The following TXNDC11 variants were observed in gnomAD, a reference collection of about 807,000 sequenced individuals.
TXNDC11 encodes the protein thioredoxin domain containing 11.
TXNDC11 carries 68 observed loss-of-function variants against 78.0 expected under a neutral mutation model. The ratio of observed to expected loss-of-function variants is 0.87; its 90% CI spans 0.72 to 1.07. The LOEUF (loss-of-function observed/expected upper bound fraction) is 1.07, where lower values mean the gene tolerates loss of function less well. Ranked by LOEUF, TXNDC11 falls within the 50% of genes least tolerant of loss-of-function variation. TXNDC11 has a pLI of 0.00. For synonymous variants in TXNDC11, 571 were observed against 495.2 expected (o/e 1.15, Z -2.03); for missense variants, 1,389 against 1,221.8 (o/e 1.14, Z -2.04).
intron 7 of TXNDC11, among the ~76,000 whole-genome samples, chr16:11,696,718 T>C (rs1490394319): frequency 6.6e-6 from 1 of 152,010 alleles, no homozygotes; most frequent in East Asian, 1.9e-4. Flanking sequence ...AAAACCATGA[T>C]AAAAAGGAGG....
At chr16:11,720,997 C>T (rs951685943) in intron 5 of TXNDC11, among the ~76,000 whole-genome samples, 1 of 151,882 alleles carries the variant, frequency 6.6e-6, no homozygotes, top group Non-Finnish European at 1.5e-5. Flanking sequence ...CCGCCTAAGC[C>T]TCCCAAAGTG....
intron 5 of TXNDC11, among the ~76,000 whole-genome samples, chr16:11,712,783 T>A (rs1164476574): frequency 6.6e-6 from 1 of 151,628 alleles, no homozygotes; most frequent in South Asian, 2.1e-4. Flanking sequence ...TGAAACTACA[T>A]CTCTACAAAA....
At chr16:11,719,550 C>T (rs1343203822) in intron 5 of TXNDC11, among the ~76,000 whole-genome samples, 6 of 152,116 alleles carry the variant, frequency 3.9e-5, no homozygotes, top group Non-Finnish European at 7.3e-5. Context: ...TTCATATATA[C>T]TGTTTTAATA....
chr16:11,694,175 T>C (rs2050796424), intron 7 of TXNDC11, among the ~76,000 whole-genome samples: 1 of 144,890 alleles, frequency 6.9e-6, no homozygotes. Flanking sequence ...AATGGCATGA[T>C]CTCAGCTCAC....
At chr16:11,733,642 G>A (rs2052125050) in intron 3 of TXNDC11, among the ~76,000 whole-genome samples, 1 of 152,180 alleles carries the variant, frequency 6.6e-6, no homozygotes, top group African/African-American at 2.4e-5. Context: ...GAAACGATAA[G>A]AAATTTTGTG....
At chr16:11,685,608 C>T (rs1279949114) in intron 10 of TXNDC11, among the ~76,000 whole-genome samples, 3 of 151,672 alleles carry the variant, frequency 2.0e-5, no homozygotes, top group Non-Finnish European at 4.4e-5. Flanking sequence ...GAGATTGCAC[C>T]TCTGCACTCC....
At position 11,730,643 on chromosome 16, in the gene TXNDC11, A is replaced by T; in HGVS notation, c.699+2T>A. 2 of 1,613,588 alleles carry T rather than the reference A, an allele frequency of 1.2e-6. No individual in the cohort carries two copies. The highest frequency in any genetic ancestry group is 1.7e-6 in the Non-Finnish European group (2 of 1,179,594). On this transcript the variant is annotated splice_donor_variant, in intron 4 of 11. Transcript: ENST00000283033. LOFTEE classifies it high-confidence loss of function. ...GGAGGAGGAGATATGAAAGACAAGT[A>T]CCTCGTAGTTTGAGAGAAAATCTAG...
chr16:11,737,782 T>C (rs935619174), intron 1 of TXNDC11, among the ~76,000 whole-genome samples: 7 of 147,486 alleles, frequency 4.7e-5, no homozygotes, highest in African/African-American at 1.5e-4. Flanking sequence ...AGGAGAATTG[T>C]GTAGGTTGCA....
chr16:11,686,766 T>C (rs1284177328), intron 10 of TXNDC11, among the ~76,000 whole-genome samples: 1 of 152,272 alleles, frequency 6.6e-6, no homozygotes, highest in East Asian at 1.9e-4. Flanking sequence ...TTGTTCAGAA[T>C]GGAATCGGTC....
At chr16:11,721,468 G>A in intron 5 of TXNDC11, 109 bp downstream of exon 5, 1 of 615,904 alleles carries the variant, frequency 1.6e-6, no homozygotes, top group Non-Finnish European at 2.8e-6. Context: ...AAAATACGTT[G>A]AGAAAAGGAA....
chr16:11,730,585 A>G, intron 4 of TXNDC11, 60 bp downstream of exon 4: 1 of 1,565,282 alleles, frequency 6.4e-7, no homozygotes, highest in South Asian at 1.2e-5. Flanking sequence ...AAAACAAACA[A>G]TCCAATACAA....
intron 5 of TXNDC11, among the ~76,000 whole-genome samples, chr16:11,714,268 C>A (rs563061332): frequency 1.3e-5 from 2 of 152,276 alleles, no homozygotes; most frequent in African/African-American, 4.8e-5. Context: ...AAGAGATCCA[C>A]CTGCCTCAGT....
intron 2 of TXNDC11, 129 bp downstream of exon 2, chr16:11,735,888 A>G: frequency 1.3e-6 from 1 of 784,038 alleles, no homozygotes; most frequent in Non-Finnish European, 2.1e-6. Flanking sequence ...AAGCTCTGTA[A>G]CTTAGAAACG....
intron 11 of TXNDC11, among the ~76,000 whole-genome samples, chr16:11,683,333 C>G (rs1355996787): frequency 6.6e-6 from 1 of 152,176 alleles, no homozygotes; most frequent in Non-Finnish European, 1.5e-5. Flanking sequence ...CCATGGCGGA[C>G]GTTCACAGCA....
chr16:11,724,157 C>T (rs2141095816), intron 4 of TXNDC11, among the ~76,000 whole-genome samples: 1 of 152,184 alleles, frequency 6.6e-6, no homozygotes, highest in East Asian at 1.9e-4. Flanking sequence ...ATGGTGGGCA[C>T]CTGTAGTTGC....
intron 5 of TXNDC11, among the ~76,000 whole-genome samples, chr16:11,717,962 AAAC>A (rs1410391822): frequency 1.3e-5 from 2 of 150,746 alleles, no homozygotes; most frequent in Non-Finnish European, 1.5e-5. Context: ...GAAACAGTTA[AAAC>A]AACAAGAGAA....
Position 11,720,020 on chromosome 16 carries a change from C to T in TXNDC11, c.793+1557G>A, listed in dbSNP as rs578020245. Among the ~76,000 whole-genome samples the T allele has an allele frequency of 5.8e-4, 89 of 152,260 alleles. 1 individual carries two copies. Among genetic ancestry groups the T allele is most frequent in the African/African-American group, 2.1e-3 (88 of 41,546 alleles). ...GGATACCAGTTATGTGTCCACTGGT[C>T]TGGTCCAGGTGTGGGTGAAGGGGCG... On this transcript the variant is annotated intron_variant, in intron 5 of 11. Coordinates refer to ENST00000283033, the MANE Select transcript of TXNDC11 (RefSeq NM_015914.7).
intron 1 of TXNDC11, chr16:11,742,173 G>A (rs1266877290): frequency 2.8e-6 from 1 of 362,318 alleles, no homozygotes; most frequent in Non-Finnish European, 4.9e-6. Context: ...CCGGGCCGAA[G>A]TGACAGGTCC....
chr16:11,737,464 A>AAAGT (rs1210225430), intron 1 of TXNDC11, among the ~76,000 whole-genome samples: 1 of 151,936 alleles, frequency 6.6e-6, no homozygotes, highest in Non-Finnish European at 1.5e-5. Flanking sequence ...AAAAAGAAAG[A>AAAGT]AAGTAAGTAA....
Sources: gnomAD v4.1 joint callset for allele counts (sites outside exome capture counted in the v4.1 genomes callset) on GRCh38, gnomAD v4.1.1 for gene constraint, MANE v1.5 for transcripts, NCBI Gene and HGNC (gene_info 2026-07-23, HGNC 2026-07-21) for gene names.